Variants in C19orf12 observed in about 807,000 individuals in gnomAD.
C19orf12 encodes the protein protein C19orf12.
In C19orf12, 2 loss-of-function variants were observed where a neutral mutation model predicts 3.8. That is an observed-to-expected ratio of 0.53 (90% CI 0.22 to 1.66). C19orf12 has a LOEUF of 1.66. C19orf12 is among the 40% of genes most tolerant of loss of function. The probability of loss-of-function intolerance (pLI) is 0.20; values close to 1 mark genes in which losing one functional copy is unlikely to be tolerated. For synonymous variants in C19orf12, 89 were observed against 84.6 expected, an observed-to-expected ratio of 1.05 and a Z score of -0.28; for missense variants, 156 against 188.8, an observed-to-expected ratio of 0.83 and a Z score of 1.02.
At chr19:29,714,037 G>C (rs544151223) in intron 1 of C19orf12, among the ~76,000 whole-genome samples, 1 of 143,712 alleles carries the variant, frequency 7.0e-6, no homozygotes, top group East Asian at 2.0e-4. Context: ...CTTCCTTCCT[G>C]CTTTTTGTTG....
Position 29,715,198 on chromosome 19 carries a change from G to A in C19orf12, c.-84C>T. On this transcript the variant is annotated 5_prime_UTR_variant, in exon 1 of 3. Coordinates refer to ENST00000323670, the MANE Select transcript of C19orf12 (RefSeq NM_031448.6). ...GCAGCCCGGGCCTGGCAGGCCCCGG[G>A]CTCCCCGCCCAGCTCCCCAGCCCCG... 2.1e-6 allele frequency: 1 copy of A among 480,900 alleles called. No homozygotes were observed. Among genetic ancestry groups the A allele is most frequent in the Non-Finnish European group, 3.8e-6 (1 of 265,136 alleles). The allele number at this position is 480,900 out of a possible 1,614,324, so 29.8% of individuals were successfully genotyped here.
chr19:29,711,036 G>GTTTTTTTTTTTTTT (rs781530564), intron 1 of C19orf12, among the ~76,000 whole-genome samples: 1 of 98,274 alleles, frequency 1.0e-5, no homozygotes, highest in Non-Finnish European at 1.8e-5. Context: ...ATACAGAGAG[G>GTTTTTTTTTTTTTT]TTTTTTTTTT....
intron 2 of C19orf12, among the ~76,000 whole-genome samples, chr19:29,707,827 T>C (rs1972455403): frequency 6.6e-6 from 1 of 152,080 alleles, no homozygotes; most frequent in African/African-American, 2.4e-5. Flanking sequence ...GCACCACTTG[T>C]ACAAGTTCAT....
At chr19:29,705,424 A>G (rs1189897932) in intron 2 of C19orf12, 5 of 311,690 alleles carry the variant, frequency 1.6e-5, no homozygotes, top group Admixed American at 4.2e-5. Flanking sequence ...AAAAAAAAAA[A>G]GGCCATTAAT....
rs1972071628 is a variant in C19orf12, at chr19:29,701,345, T to G, written c.*1367A>C. 1 of 454,030 alleles carries G rather than the reference T, an allele frequency of 2.2e-6. No individual in the cohort carries two copies. The highest frequency in any genetic ancestry group is 4.4e-6 in the Non-Finnish European group (1 of 226,806). The allele number at this position is 454,030 out of a possible 1,614,324, so 28.1% of individuals were successfully genotyped here. On this transcript the variant is annotated 3_prime_UTR_variant, in exon 3 of 3. Coordinates refer to ENST00000323670, the MANE Select transcript of C19orf12 (RefSeq NM_031448.6). ...TCCCTGATGGGCAATGGCATAGCGT[T>G]TGCACGTAACCTACGCACACCTTCC...
intron 1 of C19orf12, among the ~76,000 whole-genome samples, chr19:29,714,575 A>C (rs1252775182): frequency 1.3e-5 from 2 of 152,048 alleles, no homozygotes; most frequent in African/African-American, 2.4e-5. Flanking sequence ...ACCAAATCTA[A>C]ACTAGCGCCC....
At position 29,699,771 on chromosome 19, in the gene C19orf12, A is replaced by T; in HGVS notation, c.*2941T>A. ...GGCATAGGAGCAGGCCTTCCCTTGCAGCTTGCGCCCTCCCGTACCTTTTAA... is the reference window on the plus strand; with the variant it reads ...GGCATAGGAGCAGGCCTTCCCTTGCTGCTTGCGCCCTCCCGTACCTTTTAA... On this transcript the variant is annotated 3_prime_UTR_variant, in exon 3 of 3. Transcript: ENST00000323670. 2.2e-6 allele frequency: 1 copy of T among 453,942 alleles called. No homozygotes were observed. Among genetic ancestry groups the T allele is most frequent in the Admixed American group, 2.4e-5 (1 of 42,538 alleles). 28.1% of individuals were successfully genotyped at this position (453,942 alleles called of 1,614,324 possible).
chr19:29,709,023 C>T (rs968647251), intron 1 of C19orf12, among the ~76,000 whole-genome samples: 4 of 152,210 alleles, frequency 2.6e-5, no homozygotes, highest in African/African-American at 9.6e-5. Context: ...GTCTGGAAGC[C>T]TGCAGGCTCC....
Position 29,702,498 on chromosome 19 carries a change from A to C in C19orf12, c.*214T>G. 1 of 737,004 alleles carries C rather than the reference A, an allele frequency of 1.4e-6. No individual in the cohort carries two copies. The highest frequency in any genetic ancestry group is 2.4e-6 in the Non-Finnish European group (1 of 420,464). 45.7% of individuals were successfully genotyped at this position (737,004 alleles called of 1,614,324 possible). ...AGTCAGAGGGCTGTCATGGCAGGCCAGTGCACATGCCACCAACACATGCTG... is the reference window on the plus strand; with the variant it reads ...AGTCAGAGGGCTGTCATGGCAGGCCCGTGCACATGCCACCAACACATGCTG... On this transcript the variant is annotated 3_prime_UTR_variant, in exon 3 of 3. Coordinates refer to ENST00000323670, the MANE Select transcript of C19orf12 (RefSeq NM_031448.6).
rs781118328 is a variant in C19orf12 at position 29,702,990 on chromosome 19, G to A, written c.161-13C>T. On this transcript the variant is annotated splice_polypyrimidine_tract_variant and intron_variant, in intron 2 of 2. Coordinates refer to ENST00000323670, the MANE Select transcript of C19orf12 (RefSeq NM_031448.6). ...CCGACAGCCCCCCCTAGAAAACATG[G>A]AATCGTTCAATTAGTGGGTCTTATT... is the stretch of plus-strand genomic sequence containing the variant. The A allele has an allele frequency of 5.0e-6, 8 of 1,613,766 alleles. No homozygotes were observed. In the Admixed American group the frequency reaches 5.0e-5, roughly 10 times the overall value.
At chr19:29,710,093 T>C (rs1250258413) in intron 1 of C19orf12, among the ~76,000 whole-genome samples, 1 of 152,100 alleles carries the variant, frequency 6.6e-6, no homozygotes, top group African/African-American at 2.4e-5. Flanking sequence ...TGGTCTTGAC[T>C]TCCTGAGCTC....
At chr19:29,715,315 G>T (rs919725902), upstream of C19orf12, 3 of 390,396 alleles carry the variant, frequency 7.7e-6, no homozygotes, top group Non-Finnish European at 1.5e-5. Flanking sequence ...GGGAAGCCAC[G>T]CGCCGGGCCA....
chr19:29,701,939 A>T lies in C19orf12; in HGVS notation c.*773T>A. 2.2e-6 allele frequency: 1 copy of T among 454,136 alleles called. No individual in the cohort carries two copies. Among genetic ancestry groups the T allele is most frequent in the Non-Finnish European group, 4.4e-6 (1 of 226,798 alleles). 28.1% of individuals were successfully genotyped at this position (454,136 alleles called of 1,614,324 possible). A position where few individuals can be genotyped will look rare whatever the true frequency, so the allele number is the denominator to read the frequency against. On this transcript the variant is annotated 3_prime_UTR_variant, in exon 3 of 3. Coordinates refer to ENST00000323670, the MANE Select transcript of C19orf12 (RefSeq NM_031448.6). ...CAATGCGCTTCCTTGCTTTATTGTG[A>T]TGTTGGCTTTACCGAGGTGGTCTGG...
chr19:29,715,122 T>G lies in C19orf12; in HGVS notation c.-11+3A>C. 1.2e-5 allele frequency: 7 copies of G among 573,634 alleles called. No individual in the cohort carries two copies. The highest frequency in any genetic ancestry group is 3.6e-5 in the East Asian group (1 of 27,750). 35.5% of individuals were successfully genotyped at this position (573,634 alleles called of 1,614,324 possible). A position where few individuals can be genotyped will look rare whatever the true frequency, so the allele number is the denominator to read the frequency against. ...CCCGCCCCGGCTCCGGGCGCTCCTT[T>G]ACCTGGGGGAGCGGAGGTCTACGCG... is the stretch of plus-strand genomic sequence containing the variant. On this transcript the variant is annotated splice_donor_region_variant and intron_variant, in intron 1 of 2. Coordinates refer to ENST00000323670, the MANE Select transcript of C19orf12 (RefSeq NM_031448.6).
At chr19:29,708,014 T>A (rs1972469608) in intron 2 of C19orf12, among the ~76,000 whole-genome samples, 1 of 151,730 alleles carries the variant, frequency 6.6e-6, no homozygotes, top group East Asian at 1.9e-4. Context: ...TGGGATTACA[T>A]ACACCAGACA....
chr19:29,708,120 C>A, intron 2 of C19orf12, 134 bp downstream of exon 2: 1 of 1,244,880 alleles, frequency 8.0e-7, no homozygotes, highest in Non-Finnish European at 1.1e-6. Flanking sequence ...CTCAGGTGAT[C>A]CGCCCGCCTC....
chr19:29,715,166 C>G lies in C19orf12; in HGVS notation c.-52G>C. On this transcript the variant is annotated 5_prime_UTR_variant, in exon 1 of 3. Transcript: ENST00000323670. ...CTACGCGGCGCGCTCGGCGATCAGA[C>G]GCGGCTGCAGCCCGGGCCTGGCAGG... The G allele has an allele frequency of 3.6e-6, 2 of 551,890 alleles. No individual in the cohort carries two copies. The allele number at this position is 551,890 out of a possible 1,614,324, so 34.2% of individuals were successfully genotyped here.
Position 29,699,015 on chromosome 19 carries a change from G to A in C19orf12, c.*3697C>T, listed in dbSNP as rs1180327296. ...ATTACAGTAGTAAAAATCCACAAAT[G>A]GAATTCACACCAGGCACATGGTTAG... On this transcript the variant is annotated 3_prime_UTR_variant, in exon 3 of 3. Transcript: ENST00000323670. The A allele has an allele frequency of 2.2e-6, 1 of 453,836 alleles. No individual in the cohort carries two copies. Among genetic ancestry groups the A allele is most frequent in the Non-Finnish European group, 4.4e-6 (1 of 226,752 alleles). The allele number at this position is 453,836 out of a possible 1,614,324, so 28.1% of individuals were successfully genotyped here.
intron 1 of C19orf12, chr19:29,714,872 G>A: frequency 2.2e-6 from 1 of 463,832 alleles, no homozygotes. Context: ...CAGCGAGCCA[G>A]GGCCCGGGAC....
Sources: gnomAD v4.1 joint callset for allele counts (sites outside exome capture counted in the v4.1 genomes callset) on GRCh38, gnomAD v4.1.1 for gene constraint, MANE v1.5 for transcripts, NCBI Gene and HGNC (gene_info 2026-07-23, HGNC 2026-07-21) for gene names.